The following CCDC85A variants were observed in gnomAD, a reference collection of about 807,000 sequenced individuals.
The protein encoded by CCDC85A is coiled-coil domain-containing protein 85A.
CCDC85A carries 38 observed loss-of-function variants against 50.2 expected under a neutral mutation model. The ratio of observed to expected loss-of-function variants is 0.76; its 90% CI spans 0.58 to 0.99. CCDC85A has a LOEUF of 0.99. CCDC85A is among the 50% of genes least tolerant of loss of function. CCDC85A has a pLI of 0.00. For synonymous variants in CCDC85A, 366 were observed against 301.4 expected, an observed-to-expected ratio of 1.21 and a Z score of -2.22; for missense variants, 820 against 742.0, an observed-to-expected ratio of 1.11 and a Z score of -1.22.
chr2:56,360,220 C>T (rs1337761463), intron 3 of CCDC85A, among the ~76,000 whole-genome samples: 1 of 152,202 alleles, frequency 6.6e-6, no homozygotes, highest in Non-Finnish European at 1.5e-5. Flanking sequence ...GTCAACCTAG[C>T]AATTTTCAAG....
intron 5 of CCDC85A, among the ~76,000 whole-genome samples, chr2:56,377,123 C>G (rs956286734): frequency 1.3e-5 from 2 of 152,180 alleles, no homozygotes; most frequent in African/African-American, 4.8e-5. Flanking sequence ...GGCAGGGCAA[C>G]CATGCTAGTG....
intron 2 of CCDC85A, among the ~76,000 whole-genome samples, chr2:56,209,272 G>T (rs994100139): frequency 6.6e-6 from 1 of 152,096 alleles, no homozygotes; most frequent in Non-Finnish European, 1.5e-5. Context: ...CTCTTCCCGA[G>T]TCTCATGTGA....
At chr2:56,355,003 G>C (rs146279635) in intron 3 of CCDC85A, among the ~76,000 whole-genome samples, 7 of 152,154 alleles carry the variant, frequency 4.6e-5, no homozygotes, top group Non-Finnish European at 8.8e-5. Context: ...GGCCCAGCCC[G>C]CTATGAGTCT....
At chr2:56,221,550 T>G (rs1489559980) in intron 2 of CCDC85A, among the ~76,000 whole-genome samples, 1 of 152,096 alleles carries the variant, frequency 6.6e-6, no homozygotes, top group Non-Finnish European at 1.5e-5. Flanking sequence ...ATTGTAATTT[T>G]GTAATATAAT....
intron 5 of CCDC85A, among the ~76,000 whole-genome samples, chr2:56,381,613 G>A (rs1676589585): frequency 6.6e-6 from 1 of 152,054 alleles, no homozygotes; most frequent in African/African-American, 2.4e-5. Context: ...GTGAAGTCAG[G>A]AGTACACCAA....
chr2:56,348,900 A>G (rs1674762248), intron 3 of CCDC85A, among the ~76,000 whole-genome samples: 4 of 152,094 alleles, frequency 2.6e-5, no homozygotes, highest in Admixed American at 2.6e-4. Flanking sequence ...TGTTTGTTTT[A>G]GTCTCATAGG....
chr2:56,326,554 G>A (rs1042822045), intron 2 of CCDC85A, among the ~76,000 whole-genome samples: 1 of 152,090 alleles, frequency 6.6e-6, no homozygotes, highest in Non-Finnish European at 1.5e-5. Flanking sequence ...CTATTGTGAA[G>A]TGTTTCTAAA....
At chr2:56,296,295 TC>T (rs2104167823) in intron 2 of CCDC85A, among the ~76,000 whole-genome samples, 1 of 152,314 alleles carries the variant, frequency 6.6e-6, no homozygotes, top group South Asian at 2.1e-4. Context: ...CAGAAGGGTT[TC>T]TTTTTGCCCT....
chr2:56,304,819 C>T (rs950511290), intron 2 of CCDC85A, among the ~76,000 whole-genome samples: 6 of 151,666 alleles, frequency 4.0e-5, no homozygotes, highest in Non-Finnish European at 7.4e-5. Context: ...GGGGCCAGGG[C>T]GGGCGGATCA....
chr2:56,317,020 C>T (rs191640477), intron 2 of CCDC85A, among the ~76,000 whole-genome samples: 99 of 152,112 alleles, frequency 6.5e-4, no homozygotes, highest in Non-Finnish European at 8.5e-4. Context: ...TCTATTCAGA[C>T]GGCAAATTTT....
chr2:56,187,266 A>AT (rs1179159803), intron 1 of CCDC85A, among the ~76,000 whole-genome samples: 1 of 152,216 alleles, frequency 6.6e-6, no homozygotes, highest in Admixed American at 6.5e-5. Context: ...ATGTAGGGGA[A>AT]TTAAGACCAT....
chr2:56,242,966 T>C (rs1162351684), intron 2 of CCDC85A, among the ~76,000 whole-genome samples: 2 of 152,164 alleles, frequency 1.3e-5, no homozygotes, highest in Non-Finnish European at 2.9e-5. Flanking sequence ...AGTTTTATTC[T>C]TCTGCAAGTG....
chr2:56,345,292 G>A (rs983070257), intron 3 of CCDC85A, among the ~76,000 whole-genome samples: 5 of 152,036 alleles, frequency 3.3e-5, no homozygotes, highest in African/African-American at 7.2e-5. Context: ...ATGATATGTA[G>A]CATTACAAAA....
intron 2 of CCDC85A, among the ~76,000 whole-genome samples, chr2:56,227,535 G>A (rs1042326986): frequency 6.6e-6 from 1 of 152,160 alleles, no homozygotes; most frequent in Non-Finnish European, 1.5e-5. Flanking sequence ...GGGCTACGTA[G>A]ATGGCATGTC....
rs1257482880 is a variant in CCDC85A, at chr2:56,184,809, AGAAGGTGAG to A, written c.186_194del (p.Glu62_Ser65delinsAsp). On this transcript the variant is annotated inframe_deletion, in exon 1 of 6. Coordinates refer to ENST00000407595, the MANE Select transcript of CCDC85A (RefSeq NM_001080433.2). Reference sequence around the variant, plus strand: ...CGCAGCCTGCGGCGCGCCGAGGCGGAGAAGGTGAGCGCGATGCTGGACCACAGCAACCTC... The same window carrying A: ...CGCAGCCTGCGGCGCGCCGAGGCGGACGCGATGCTGGACCACAGCAACCTC... 2 of 1,546,084 alleles carry A rather than the reference AGAAGGTGAG, an allele frequency of 1.3e-6. No individual in the cohort carries two copies. The highest frequency in any genetic ancestry group is 1.7e-6 in the Non-Finnish European group (2 of 1,146,050).
chr2:56,249,320 T>G (rs957669595), intron 2 of CCDC85A, among the ~76,000 whole-genome samples: 25 of 152,242 alleles, frequency 1.6e-4, no homozygotes, highest in Admixed American at 1.6e-3. Context: ...CTCCCTTTAC[T>G]TTCTGTCTTT....
intron 3 of CCDC85A, among the ~76,000 whole-genome samples, chr2:56,365,070 T>C (rs958913920): frequency 2.0e-5 from 3 of 152,164 alleles, no homozygotes; most frequent in African/African-American, 7.2e-5. Flanking sequence ...GACTCAGCTT[T>C]TGCTACTCTG....
chr2:56,274,664 A>T (rs1386645137), intron 2 of CCDC85A, among the ~76,000 whole-genome samples: 2 of 152,202 alleles, frequency 1.3e-5, no homozygotes, highest in African/African-American at 2.4e-5. Flanking sequence ...GTTTCACCAA[A>T]TGACCGGGCA....
intron 2 of CCDC85A, among the ~76,000 whole-genome samples, chr2:56,199,186 C>G (rs761154971): frequency 6.6e-6 from 1 of 152,144 alleles, no homozygotes; most frequent in Non-Finnish European, 1.5e-5. Flanking sequence ...CAGGTCACAG[C>G]TTTTCACAAG....
Sources: gnomAD v4.1 joint callset for allele counts (sites outside exome capture counted in the v4.1 genomes callset) on GRCh38, gnomAD v4.1.1 for gene constraint, MANE v1.5 for transcripts, NCBI Gene and HGNC (gene_info 2026-07-23, HGNC 2026-07-21) for gene names.